Variants in DDHD1 observed in about 807,000 individuals in gnomAD.
DDHD1 encodes DDHD domain containing 1.
In DDHD1, 49 loss-of-function variants were observed where a neutral mutation model predicts 96.4. The observed-to-expected ratio is 0.51, with a 90% CI of 0.40 to 0.64. DDHD1 has a LOEUF of 0.64. Ranked by LOEUF, DDHD1 falls within the 30% of genes least tolerant of loss-of-function variation. The pLI, the probability that DDHD1 is intolerant of heterozygous loss-of-function variation, is 0.00. For synonymous variants in DDHD1, 442 were observed against 446.5 expected (o/e 0.99, Z 0.13); for missense variants, 1,106 against 1,161.2 (o/e 0.95, Z 0.69).
At chr14:53,082,903 CA>C in intron 4 of DDHD1, among the ~76,000 whole-genome samples, 1 of 151,648 alleles carries the variant, frequency 6.6e-6, no homozygotes. Flanking sequence ...AACAAACAAA[CA>C]AACAAAAAAA....
rs1373217254 is a variant in DDHD1 at position 53,139,342 on chromosome 14, T to A, written c.838+12919A>T. On this transcript the variant is annotated intron_variant, in intron 1 of 12. Transcript: ENST00000673822. ...AGTTTCATCTATTTCTGGGGGAGAGTAAAAGCATGAAGAACCTTCTTGAGA... is the reference window on the plus strand; with the variant it reads ...AGTTTCATCTATTTCTGGGGGAGAGAAAAAGCATGAAGAACCTTCTTGAGA... Among the ~76,000 whole-genome samples the A allele has an allele frequency of 2.0e-5, 3 of 151,748 alleles. No homozygotes were observed. In the East Asian group the frequency reaches 5.8e-4, roughly 29 times the overall value.
At chr14:53,124,249 T>TTTTATATATATATATATA (rs1889255884) in intron 1 of DDHD1, among the ~76,000 whole-genome samples, 1 of 146,430 alleles carries the variant, frequency 6.8e-6, no homozygotes, top group African/African-American at 2.6e-5. Context: ...AAAAAAAAAA[T>TTTTATATATATATATATA]TATATATATA....
At chr14:53,094,175 T>C (rs1886677866) in intron 2 of DDHD1, among the ~76,000 whole-genome samples, 1 of 130,058 alleles carries the variant, frequency 7.7e-6, no homozygotes, top group African/African-American at 2.9e-5. Flanking sequence ...AGACTCCGTC[T>C]AAAAAAAAAA....
At chr14:53,106,808 G>C (rs996266515) in intron 1 of DDHD1, among the ~76,000 whole-genome samples, 1 of 152,132 alleles carries the variant, frequency 6.6e-6, no homozygotes, top group Non-Finnish European at 1.5e-5. Context: ...ATCTGTCCAT[G>C]ATGGGGCCTT....
intron 1 of DDHD1, among the ~76,000 whole-genome samples, chr14:53,138,340 GGCTGCAGTGAGCCAAAATTGTGCC>G (rs1409211549): frequency 5.3e-5 from 8 of 152,322 alleles, no homozygotes; most frequent in African/African-American, 1.4e-4. Context: ...TGGAGATGGA[GGCTGCAGTGAGCCAAAATTGTGCC>G]GCTGCAGTGA....
chr14:53,138,603 C>A (rs1326009577), intron 1 of DDHD1, among the ~76,000 whole-genome samples: 2 of 151,936 alleles, frequency 1.3e-5, no homozygotes, highest in African/African-American at 2.4e-5. Flanking sequence ...ATTTTTGAAC[C>A]CTTCAGAGAG....
Position 53,093,370 on chromosome 14 carries a change from C to CGTG in DDHD1, c.1086_1087insCAC (p.Asp362_Ala363insHis). ...GTTCTTGCAATTTTAGATGTTGTTG[C>CGTG]ATCACTATAAAGATATACTTCATCC... On this transcript the variant is annotated inframe_insertion, in exon 3 of 13. Coordinates refer to ENST00000673822, the MANE Select transcript of DDHD1 (RefSeq NM_001160148.2). The CGTG allele has an allele frequency of 6.2e-7, 1 of 1,612,482 alleles. No homozygotes were observed. Among genetic ancestry groups the CGTG allele is most frequent in the Non-Finnish European group, 8.5e-7 (1 of 1,179,500 alleles).
Position 53,046,803 on chromosome 14 carries a change from C to G in DDHD1, c.2668G>C (p.Asp890His), listed in dbSNP as rs202164262. ...LLTFMYKHEH[D>H]DDAKPNLDPI Reference sequence around the variant, plus strand: ...TCTAAATTGGGTTTTGCATCATCATCGTGCTCATGTTTATACATGAAGGTT... The same window carrying G: ...TCTAAATTGGGTTTTGCATCATCATGGTGCTCATGTTTATACATGAAGGTT... The change falls in exon 13 of 13, where the codon GAT (aspartate) becomes CAT (histidine). Residue 890 changes from aspartate (D) to histidine (H), a missense_variant. This residue lies in a region of DDHD1 where 650 missense variants were observed against 758.8 expected (regional missense o/e 0.86). Coordinates refer to ENST00000673822, the MANE Select transcript of DDHD1 (RefSeq NM_001160148.2). 20 of 1,609,282 alleles carry G rather than the reference C, an allele frequency of 1.2e-5. No individual in the cohort carries two copies. In the African/African-American group the frequency reaches 2.4e-4, roughly 19 times the overall value.
chr14:53,067,833 C>G (rs140876815), intron 6 of DDHD1, among the ~76,000 whole-genome samples: 379 of 152,232 alleles, frequency 2.5e-3, no homozygotes, highest in African/African-American at 8.8e-3. Flanking sequence ...ACTCATATAA[C>G]CTTTACCCAG....
chr14:53,044,532 G>A lies in DDHD1; in HGVS notation c.*2236C>T, dbSNP rs1300953128. The A allele has an allele frequency of 1.3e-5, 2 of 152,070 alleles. No homozygotes were observed. Among genetic ancestry groups the A allele is most frequent in the Admixed American group, 6.5e-5 (1 of 15,274 alleles). The allele number at this position is 152,070 out of a possible 1,614,324, so 9.4% of individuals were successfully genotyped here. On this transcript the variant is annotated 3_prime_UTR_variant, in exon 13 of 13. Coordinates refer to ENST00000673822, the MANE Select transcript of DDHD1 (RefSeq NM_001160148.2). ...CAACATACGCTCAAGTACCTTTAAC[G>A]ATACAGTCATATAGCATGAGTTTAA...
chr14:53,115,486 G>A (rs1019905224), intron 1 of DDHD1, among the ~76,000 whole-genome samples: 1 of 152,186 alleles, frequency 6.6e-6, no homozygotes, highest in African/African-American at 2.4e-5. Context: ...AGAAAGGTCA[G>A]GTTATCTACA....
At chr14:53,060,587 T>C (rs1373077552) in intron 8 of DDHD1, among the ~76,000 whole-genome samples, 1 of 152,332 alleles carries the variant, frequency 6.6e-6, no homozygotes, top group East Asian at 1.9e-4. Context: ...CTTCCTCTGA[T>C]TTTTTTCTCA....
rs1595178959 is a variant in DDHD1 at position 53,102,954 on chromosome 14, T to C, written c.1012+729A>G. On this transcript the variant is annotated intron_variant, in intron 2 of 12. Transcript: ENST00000673822. ...GAAACCTCCCAAATAAAGACTAGCA[T>C]GGATGAAGAAACGGTTTTAGAAGAA... 7.8e-6 allele frequency: 11 copies of C among 1,401,946 alleles called. No homozygotes were observed. In the South Asian group the frequency reaches 1.3e-4, roughly 16 times the overall value. 86.8% of individuals were successfully genotyped at this position (1,401,946 alleles called of 1,614,324 possible).
intron 1 of DDHD1, among the ~76,000 whole-genome samples, chr14:53,120,411 C>A (rs1291316210): frequency 6.6e-6 from 1 of 152,142 alleles, no homozygotes; most frequent in African/African-American, 2.4e-5. Context: ...TCCCATCAAG[C>A]TACCATTGAC....
rs532534031 is a variant in DDHD1 at position 53,078,928 on chromosome 14, T to C, written c.1290-5081A>G. 5.3e-5 allele frequency among the ~76,000 whole-genome samples: 8 copies of C among 152,350 alleles called. No individual in the cohort carries two copies. In the South Asian group the frequency reaches 1.5e-3, roughly 28 times the overall value. On this transcript the variant is annotated intron_variant, in intron 4 of 12. Transcript: ENST00000673822. Reference sequence around the variant, plus strand: ...TTTATTATGAAAGTATGTTGAGATTTTGTCAAATGTCTTTTCTGTATCTGA... The same window carrying C: ...TTTATTATGAAAGTATGTTGAGATTCTGTCAAATGTCTTTTCTGTATCTGA...
At chr14:53,076,132 C>T (rs1000325617) in intron 4 of DDHD1, among the ~76,000 whole-genome samples, 1 of 152,100 alleles carries the variant, frequency 6.6e-6, no homozygotes, top group East Asian at 1.9e-4. Context: ...TTTTATAATG[C>T]TATAGCTGCT....
Position 53,122,637 on chromosome 14 carries a change from G to T in DDHD1, c.839-18781C>A, listed in dbSNP as rs891673340. On this transcript the variant is annotated intron_variant, in intron 1 of 12. Transcript: ENST00000673822. ...CTATTGCCCAGGCTGGAGTGCAGTG[G>T]TGCGATCTTGGCCCAGGTTCAAGCA... is the stretch of plus-strand genomic sequence containing the variant. Among the ~76,000 whole-genome samples, 6 of 148,984 alleles carry T rather than the reference G, an allele frequency of 4.0e-5. No individual in the cohort carries two copies. In the East Asian group the frequency reaches 9.9e-4, roughly 25 times the overall value.
chr14:53,075,799 C>G (rs1839621258), intron 4 of DDHD1, among the ~76,000 whole-genome samples: 1 of 152,160 alleles, frequency 6.6e-6, no homozygotes, highest in African/African-American at 2.4e-5. Flanking sequence ...CCCAAATAGC[C>G]TAGGGCCCTT....
Position 53,038,849 on chromosome 14 carries a change from A to G in DDHD1, c.*7919T>C, listed in dbSNP as rs1458857851. ...GGTACAATAACAGACACGTAGACCA[A>G]TGGAACACAATAGAGAACACAGAAA... On this transcript the variant is annotated 3_prime_UTR_variant, in exon 13 of 13. Transcript: ENST00000673822. 7 of 152,214 alleles carry G rather than the reference A, an allele frequency of 4.6e-5. No individual in the cohort carries two copies. The highest frequency in any genetic ancestry group is 8.8e-5 in the Non-Finnish European group (6 of 68,048). 9.4% of individuals were successfully genotyped at this position (152,214 alleles called of 1,614,324 possible).
Sources: allele counts gnomAD v4.1 joint callset (sites outside exome capture counted in the v4.1 genomes callset), GRCh38; gene constraint gnomAD v4.1.1; regional missense constraint gnomAD v4.1.1; transcripts MANE v1.5; gene names NCBI Gene and HGNC (gene_info 2026-07-23, HGNC 2026-07-21).